ANAPC7: variants seen among roughly 807,000 people sequenced by gnomAD.
The protein encoded by ANAPC7 is anaphase promoting complex subunit 7, also known as anaphase-promoting complex subunit 7.
In ANAPC7, 25 loss-of-function variants were observed where a neutral mutation model predicts 63.3. That is an observed-to-expected ratio of 0.39 (90% CI 0.29 to 0.55). The LOEUF is 0.55. Among genes scored for constraint, ANAPC7 ranks in the 20% least tolerant of loss-of-function variants. The pLI is 0.57. For synonymous variants in ANAPC7, 241 were observed against 251.7 expected (o/e 0.96, Z 0.40); for missense variants, 516 against 691.7 (o/e 0.75, Z 2.85).
chr12:110,385,655 G>A (rs1489437062), intron 6 of ANAPC7, among the ~76,000 whole-genome samples: 4 of 152,208 alleles, frequency 2.6e-5, no homozygotes, highest in Non-Finnish European at 5.9e-5. Flanking sequence ...CGCTTGGGAT[G>A]GCCCCTTCCC....
rs552120915 is a variant in ANAPC7, at chr12:110,400,849, C to G, written c.101+2678G>C. Among the ~76,000 whole-genome samples, 4 of 148,770 alleles carry G rather than the reference C, an allele frequency of 2.7e-5. No homozygotes were observed. The South Asian group carries it at 6.4e-4, about 24-fold the overall frequency. On this transcript the variant is annotated intron_variant, in intron 1 of 10. Coordinates refer to ENST00000455511, the MANE Select transcript of ANAPC7 (RefSeq NM_016238.3). ...ATCACTTGAGGTCAGGAGTTCCAGA[C>G]AAGCCTGGCCAACATGATGAAACCC...
chr12:110,400,921 G>A (rs909237184), intron 1 of ANAPC7, among the ~76,000 whole-genome samples: 11 of 151,746 alleles, frequency 7.2e-5, no homozygotes, highest in African/African-American at 2.7e-4. Flanking sequence ...GTGGTGGTGC[G>A]AATCTGTAAT....
intron 2 of ANAPC7, among the ~76,000 whole-genome samples, chr12:110,395,778 T>G (rs887360064): frequency 6.6e-6 from 1 of 152,164 alleles, no homozygotes; most frequent in African/African-American, 2.4e-5. Context: ...GACCTCGTGA[T>G]CCGCCCGCCT....
At chr12:110,396,512 GCTT>G (rs1029393680) in intron 1 of ANAPC7, 60 bp from the exon 2 acceptor site, 63 of 1,355,332 alleles carry the variant, frequency 4.6e-5, no homozygotes, top group East Asian at 7.5e-5. Context: ...AGCTCCCCCA[GCTT>G]CTTTTTTTTT....
At chr12:110,395,292 TAG>T (rs970271607) in intron 2 of ANAPC7, 72 bp from the exon 3 acceptor site, 13 of 1,469,102 alleles carry the variant, frequency 8.8e-6, no homozygotes, top group South Asian at 6.4e-5. Context: ...ACGTTAAACA[TAG>T]AGTTATCATA....
chr12:110,382,460 AAATATAT>A (rs1228355660), intron 7 of ANAPC7, among the ~76,000 whole-genome samples: 3 of 70,370 alleles, frequency 4.3e-5, no homozygotes, highest in Non-Finnish European at 8.9e-5. Flanking sequence ...AAAAAAAAAA[AAATATAT>A]ATATATATAT....
chr12:110,376,595 C>T (rs1211410946), intron 9 of ANAPC7, among the ~76,000 whole-genome samples: 1 of 88,568 alleles, frequency 1.1e-5, no homozygotes, highest in African/African-American at 5.2e-5. Flanking sequence ...AAGAAATTTG[C>T]AGTTTGAATT....
intron 3 of ANAPC7, among the ~76,000 whole-genome samples, chr12:110,391,589 T>C (rs925036465): frequency 1.3e-5 from 2 of 152,180 alleles, no homozygotes; most frequent in South Asian, 2.1e-4. Context: ...CACTACAGAA[T>C]GAAGGATATG....
chr12:110,382,460 AAATATATATATAT>A (rs1881998780), intron 7 of ANAPC7, among the ~76,000 whole-genome samples: 1 of 70,370 alleles, frequency 1.4e-5, no homozygotes, highest in East Asian at 3.2e-4. Context: ...AAAAAAAAAA[AAATATATATATAT>A]ATATATATAT....
rs1253995620 is a variant in ANAPC7, at chr12:110,403,686, A to T, written c.-59T>A. On this transcript the variant is annotated 5_prime_UTR_variant, in exon 1 of 11. Coordinates refer to ENST00000455511, the MANE Select transcript of ANAPC7 (RefSeq NM_016238.3). Reference sequence around the variant, plus strand: ...CACTGACTCGAAAAGCCGGTAGAGGATCCTTAGGGAAGACTCCAAAATGGC... The same window carrying T: ...CACTGACTCGAAAAGCCGGTAGAGGTTCCTTAGGGAAGACTCCAAAATGGC... The T allele has an allele frequency of 9.7e-6, 15 of 1,553,762 alleles. No individual in the cohort carries two copies. Among genetic ancestry groups the T allele is most frequent in the Non-Finnish European group, 1.1e-5 (13 of 1,148,142 alleles).
rs200761710 is a variant in ANAPC7 at position 110,378,517 on chromosome 12, G to GGAA, written c.1133-901_1133-900insTTC. 1,200 of 152,228 alleles carry GGAA rather than the reference G, an allele frequency of 7.9e-3. 6 individuals carry two copies. The highest frequency in any genetic ancestry group is 0.014 in the Non-Finnish European group (936 of 68,026). The allele number at this position is 152,228 out of a possible 1,614,324, so 9.4% of individuals were successfully genotyped here. ...GCTGTCTCAAAAGGCACTTGCTGAG[G>GGAA]GCTTCCCTAAACGAGATGAACAGTA... On this transcript the variant is annotated intron_variant, in intron 8 of 10. Coordinates refer to ENST00000455511, the MANE Select transcript of ANAPC7 (RefSeq NM_016238.3).
rs1037479987 is a variant in ANAPC7, at chr12:110,376,174, T to C, written c.1400A>G (p.Asn467Ser). ...KYEDGIALLR[N>S]ALANQSDCVL... Reference sequence around the variant, plus strand: ...ACAGTCACTCTGATTAGCCAGTGCGTTCCTCAGCAAAGCAATTCCATCTTC... The same window carrying C: ...ACAGTCACTCTGATTAGCCAGTGCGCTCCTCAGCAAAGCAATTCCATCTTC... Residue 467 changes from asparagine to serine, a missense_variant, in exon 10 of 11, where the codon AAC (asparagine) becomes AGC (serine). By Grantham distance (46) the Asn-to-Ser change is conservative. This residue lies in a region of ANAPC7 where 122 missense variants were observed against 212.0 expected (regional missense o/e 0.58). Transcript: ENST00000455511. The C allele has an allele frequency of 6.2e-7, 1 of 1,614,158 alleles. No individual in the cohort carries two copies. The highest frequency in any genetic ancestry group is 1.6e-4 in the Middle Eastern group (1 of 6,062).
Position 110,381,862 on chromosome 12 carries a change from G to A in ANAPC7, c.1022C>T (p.Ala341Val). The A allele has an allele frequency of 6.2e-7, 1 of 1,611,144 alleles. No individual in the cohort carries two copies. Among genetic ancestry groups the A allele is most frequent in the Non-Finnish European group, 8.5e-7 (1 of 1,178,904 alleles). The change falls in exon 8 of 11, where the codon GCT becomes GTT. Residue 341 changes from alanine (A) to valine (V), a missense_variant. Ala to Val is a moderately conservative substitution (Grantham distance 64, BLOSUM62 0). Around this residue, in one of 4 missense-constraint regions of ANAPC7, gnomAD observed 199 missense variants for 249.3 expected, o/e 0.80. Coordinates refer to ENST00000455511, the MANE Select transcript of ANAPC7 (RefSeq NM_016238.3). ...AIQLNSNSVQ[A>V]LLLKGAALRN... is the part of the protein sequence containing the mutation. ...AAGTGCTGCTCCCTTAAGTAGCAGA[G>A]CTTGAACACTATTACTGTTCAGCTG...
chr12:110,382,459 A>ATATATATAT (rs1229764014), intron 7 of ANAPC7, among the ~76,000 whole-genome samples: 18 of 51,946 alleles, frequency 3.5e-4, no homozygotes, highest in Admixed American at 5.5e-4. Context: ...AAAAAAAAAA[A>ATATATATAT]AAATATATAT....
rs747751155 is a variant in ANAPC7, at chr12:110,403,643, C to T, written c.-16G>A. 12 of 1,584,940 alleles carry T rather than the reference C, an allele frequency of 7.6e-6. No individual in the cohort carries two copies. The highest frequency in any genetic ancestry group is 1.8e-5 in the Admixed American group (1 of 54,838). ...TCACATTCATCCTGCTCTGCAAAGC[C>T]GCGGGCAGCGGCGGCAGCACTGACT... On this transcript the variant is annotated 5_prime_UTR_variant, in exon 1 of 11. Coordinates refer to ENST00000455511, the MANE Select transcript of ANAPC7 (RefSeq NM_016238.3).
At chr12:110,386,687 ACT>A (rs1882483909) in intron 5 of ANAPC7, 5 of 459,142 alleles carry the variant, frequency 1.1e-5, no homozygotes, top group Admixed American at 3.9e-5. Context: ...CCAACAAATA[ACT>A]CTGTGGTTGC....
intron 6 of ANAPC7, among the ~76,000 whole-genome samples, chr12:110,383,498 G>T (rs995136860): frequency 6.6e-6 from 1 of 152,052 alleles, no homozygotes; most frequent in African/African-American, 2.4e-5. Flanking sequence ...TGGCACTCTG[G>T]GTGGCAGAGG....
At chr12:110,378,063 T>G (rs1881453472) in intron 8 of ANAPC7, 1 of 190,348 alleles carries the variant, frequency 5.3e-6, no homozygotes, top group Non-Finnish European at 1.1e-5. Context: ...TAGGGCTAGG[T>G]TTAAGATGGA....
chr12:110,376,612 T>C (rs1428443927), intron 9 of ANAPC7, among the ~76,000 whole-genome samples: 2 of 146,666 alleles, frequency 1.4e-5, no homozygotes, highest in Non-Finnish European at 3.0e-5. Flanking sequence ...AATTATAATG[T>C]TTTAAATGGG....
Sources: gnomAD v4.1 joint callset for allele counts (sites outside exome capture counted in the v4.1 genomes callset) on GRCh38, gnomAD v4.1.1 for gene constraint, gnomAD v4.1.1 regional missense constraint, MANE v1.5 for transcripts, NCBI Gene and HGNC (gene_info 2026-07-23, HGNC 2026-07-21) for gene names.